RIN2: variants seen among roughly 807,000 people sequenced by gnomAD.
RIN2 encodes Ras and Rab interactor 2, also known as RAB5 interacting protein 2.
A neutral mutation model predicts 78.0 loss-of-function variants in RIN2; 36 were observed. The ratio of observed to expected loss-of-function variants is 0.46; its 90% CI spans 0.35 to 0.61. The LOEUF (loss-of-function observed/expected upper bound fraction) is 0.61, where lower values mean the gene tolerates loss of function less well. Ranked by LOEUF, RIN2 falls within the 20% of genes least tolerant of loss-of-function variation. RIN2 has a pLI of 0.00. For missense variants in RIN2, 1,087 were observed against 1,159.7 expected, an observed-to-expected ratio of 0.94 and a Z score of 0.91; for synonymous variants, 466 against 466.8, an observed-to-expected ratio of 1.00 and a Z score of 0.02.
chr20:19,795,713 C>T (rs139330146), intron 1 of RIN2, among the ~76,000 whole-genome samples: 5 of 152,118 alleles, frequency 3.3e-5, no homozygotes, highest in African/African-American at 1.2e-4. Flanking sequence ...GTGTCAAATC[C>T]AAATTGGAAA....
At chr20:19,875,987 C>G (rs151266165) in intron 2 of RIN2, among the ~76,000 whole-genome samples, 1 of 152,210 alleles carries the variant, frequency 6.6e-6, no homozygotes, top group Non-Finnish European at 1.5e-5. Context: ...GCCGGGGTCC[C>G]TCCCTCTGAG....
intron 2 of RIN2, among the ~76,000 whole-genome samples, chr20:19,887,588 A>G (rs1236037729): frequency 6.6e-6 from 1 of 152,150 alleles, no homozygotes; most frequent in African/African-American, 2.4e-5. Context: ...CTGGAGGTTA[A>G]AGGGTACACA....
intron 2 of RIN2, among the ~76,000 whole-genome samples, chr20:19,800,978 T>C (rs1053312873): frequency 1.3e-5 from 2 of 152,212 alleles, no homozygotes; most frequent in African/African-American, 2.4e-5. Context: ...TAACTACACA[T>C]TCTTTCTGGG....
At chr20:19,779,100 T>C (rs2034409981) in intron 1 of RIN2, among the ~76,000 whole-genome samples, 1 of 152,188 alleles carries the variant, frequency 6.6e-6, no homozygotes, top group African/African-American at 2.4e-5. Context: ...ATTTATCTTC[T>C]TGGATCATCA....
chr20:19,980,931 G>A (rs1234216294), intron 9 of RIN2, among the ~76,000 whole-genome samples: 1 of 152,194 alleles, frequency 6.6e-6, no homozygotes, highest in African/African-American at 2.4e-5. Context: ...TCCAGGCCCA[G>A]GTGAAGTCAC....
intron 2 of RIN2, among the ~76,000 whole-genome samples, chr20:19,803,354 A>G (rs1185431512): frequency 2.6e-5 from 4 of 152,228 alleles, no homozygotes; most frequent in African/African-American, 9.6e-5. Flanking sequence ...CTACAAGGCT[A>G]CAGTAACCAA....
intron 2 of RIN2, among the ~76,000 whole-genome samples, chr20:19,855,502 G>T (rs138423719): frequency 2.0e-5 from 3 of 152,062 alleles, no homozygotes; most frequent in Admixed American, 2.0e-4. Context: ...TTGTGAATCC[G>T]TCTGGTCCTG....
chr20:19,795,093 T>C (rs952930292), intron 1 of RIN2, among the ~76,000 whole-genome samples: 9 of 152,222 alleles, frequency 5.9e-5, no homozygotes, highest in African/African-American at 2.2e-4. Flanking sequence ...GAAATGCTCT[T>C]GTGTACACAT....
intron 1 of RIN2, among the ~76,000 whole-genome samples, chr20:19,780,783 A>G (rs1205489054): frequency 6.6e-6 from 1 of 152,226 alleles, no homozygotes; most frequent in Non-Finnish European, 1.5e-5. Flanking sequence ...TAAAATGAAA[A>G]TAAGAATAGC....
chr20:19,768,491 G>A (rs2033984104), intron 1 of RIN2, among the ~76,000 whole-genome samples: 1 of 152,228 alleles, frequency 6.6e-6, no homozygotes, highest in East Asian at 1.9e-4. Flanking sequence ...GAGTCCCATA[G>A]AGAGCATCCT....
At chr20:19,762,704 C>T (rs1207092838) in intron 1 of RIN2, among the ~76,000 whole-genome samples, 1 of 152,070 alleles carries the variant, frequency 6.6e-6, no homozygotes, top group Non-Finnish European at 1.5e-5. Context: ...CACATGTCAT[C>T]GTGCTGTGCG....
chr20:19,992,565 T>G (rs1456173970), intron 11 of RIN2, among the ~76,000 whole-genome samples: 1 of 152,212 alleles, frequency 6.6e-6, no homozygotes, highest in Non-Finnish European at 1.5e-5. Flanking sequence ...TTTATTAATT[T>G]AAAAGAGTGT....
In RIN2 at chr20:19,995,689, G is replaced by T. The variant is rs559816625; in HGVS notation, c.2201-990G>T. On this transcript the variant is annotated intron_variant, in intron 11 of 12. Coordinates refer to ENST00000255006, the MANE Select transcript of RIN2 (RefSeq NM_018993.4). ...ATGTTATGTTAGTCCCAAAGGAAGGGGGGGGTAAGAAAGGGAATCAAGGGA... is the reference window on the plus strand; with the variant it reads ...ATGTTATGTTAGTCCCAAAGGAAGGTGGGGGTAAGAAAGGGAATCAAGGGA... 8.1e-4 allele frequency among the ~76,000 whole-genome samples: 123 copies of T among 152,272 alleles called. 2 individuals are homozygous for T. Among genetic ancestry groups the T allele is most frequent in the Non-Finnish European group, 1.4e-3 (92 of 68,028 alleles).
rs1272981931 is a variant in RIN2 at position 19,996,716 on chromosome 20, T to G, written c.2238T>G (p.Ser746=). 6.2e-7 allele frequency: 1 copy of G among 1,614,008 alleles called. No individual in the cohort carries two copies. Among genetic ancestry groups the G allele is most frequent in the South Asian group, 1.1e-5 (1 of 91,084 alleles). ...YYLTSAYGAL[S]LIKNFQEEQA... is the part of the protein sequence containing the mutation. ...TGACAAGCGCATATGGAGCACTTTCTCTGATAAAGAATTTCCAAGAAGAAC... is the reference window on the plus strand; with the variant it reads ...TGACAAGCGCATATGGAGCACTTTCGCTGATAAAGAATTTCCAAGAAGAAC... The change falls in exon 12 of 13, where the codon TCT becomes TCG. Residue 746 remains serine (S), a synonymous_variant. Coordinates refer to ENST00000255006, the MANE Select transcript of RIN2 (RefSeq NM_018993.4).
chr20:19,950,402 G>A (rs188841259), intron 4 of RIN2, among the ~76,000 whole-genome samples: 18 of 152,304 alleles, frequency 1.2e-4, no homozygotes, highest in African/African-American at 3.4e-4. Context: ...CAGTGAGATG[G>A]TAGATATTAT....
At chr20:19,928,883 C>T (rs955024156) in intron 3 of RIN2, among the ~76,000 whole-genome samples, 1 of 152,220 alleles carries the variant, frequency 6.6e-6, no homozygotes, top group Non-Finnish European at 1.5e-5. Flanking sequence ...CCCCTCTGTC[C>T]TGCTGTACAT....
rs140062729 is a variant in RIN2, at chr20:19,917,223, C to T, written c.58-17876C>T. Among the ~76,000 whole-genome samples the T allele has an allele frequency of 2.3e-3, 357 of 152,094 alleles. 2 individuals carry two copies. The highest frequency in any genetic ancestry group is 7.4e-3 in the African/African-American group (308 of 41,508). ...GGAACATAATTAAATAGCTGTGCCACGGTCATCCACCGAATGCCTTATTTC... is the reference window on the plus strand; with the variant it reads ...GGAACATAATTAAATAGCTGTGCCATGGTCATCCACCGAATGCCTTATTTC... On this transcript the variant is annotated intron_variant, in intron 3 of 12. Transcript: ENST00000255006.
rs1222661351 is a variant in RIN2, at chr20:20,000,799, A to G, written c.2551A>G (p.Thr851Ala). 3 of 1,613,956 alleles carry G rather than the reference A, an allele frequency of 1.9e-6. No homozygotes were observed. The highest frequency in any genetic ancestry group is 1.6e-4 in the Middle Eastern group (1 of 6,062). The change falls in exon 13 of 13, where the codon ACT (threonine) becomes GCT (alanine). Residue 851 changes from threonine (T) to alanine (A), a missense_variant. Around this residue, in one of 8 missense-constraint regions of RIN2, gnomAD observed 160 missense variants for 179.4 expected, o/e 0.89. Transcript: ENST00000255006. ...DETWQQLAED[T>A]YPQKIKAELH... Reference sequence around the variant, plus strand: ...GACATGGCAGCAGCTGGCAGAGGACACTTACCCTCAAAAAATCAAGGCGGA... The same window carrying G: ...GACATGGCAGCAGCTGGCAGAGGACGCTTACCCTCAAAAAATCAAGGCGGA...
At position 19,975,935 on chromosome 20, in the gene RIN2, G is replaced by A. The variant is rs2042266289; in HGVS notation, c.1762+148G>A. ...TCTCCCGGTTTGAATGGAAAAATCA[G>A]TTTCTCAAAGTAGCTGCTGACTGCC... On this transcript the variant is annotated intron_variant, in intron 9 of 12. Coordinates refer to ENST00000255006, the MANE Select transcript of RIN2 (RefSeq NM_018993.4). The surrounding 1 kb of genome is among the most constrained non-coding windows in gnomAD (Gnocchi z 4.9). The A allele has an allele frequency of 2.5e-6, 2 of 800,204 alleles. No individual in the cohort carries two copies. Among genetic ancestry groups the A allele is most frequent in the East Asian group, 2.7e-5 (1 of 37,316 alleles). The allele number at this position is 800,204 out of a possible 1,614,324, so 49.6% of individuals were successfully genotyped here.
Sources: gnomAD v4.1 joint callset for allele counts (sites outside exome capture counted in the v4.1 genomes callset) on GRCh38, gnomAD v4.1.1 for gene constraint, gnomAD v4.1.1 regional missense constraint, Gnocchi (gnomAD v3.1) non-coding constraint, MANE v1.5 for transcripts, NCBI Gene and HGNC (gene_info 2026-07-23, HGNC 2026-07-21) for gene names.